PSMG2: variants seen among roughly 807,000 people sequenced by gnomAD.
PSMG2 encodes the protein proteasome assembly chaperone 2.
In PSMG2, 21 loss-of-function variants were observed where a neutral mutation model predicts 31.5. The observed-to-expected ratio is 0.67, with a 90% CI of 0.47 to 0.96. The LOEUF (loss-of-function observed/expected upper bound fraction) is 0.96, where lower values mean the gene tolerates loss of function less well. PSMG2 is among the 40% of genes least tolerant of loss of function. PSMG2 has a pLI of 0.00. For synonymous variants in PSMG2, 120 were observed against 110.4 expected, an observed-to-expected ratio of 1.09 and a Z score of -0.54; for missense variants, 318 against 321.2, an observed-to-expected ratio of 0.99 and a Z score of 0.08.
chr18:12,674,665 CTTG>C (rs1366820423), intron 1 of PSMG2: 3 of 1,614,014 alleles, frequency 1.9e-6, no homozygotes, highest in Non-Finnish European at 2.5e-6. Context: ...TGCTGATATA[CTTG>C]TTGTACGCTC....
chr18:12,703,252 G>A, intron 1 of PSMG2, 88 bp downstream of exon 1: 1 of 1,347,102 alleles, frequency 7.4e-7, no homozygotes, highest in Non-Finnish European at 1.0e-6. Context: ...CGGTGCCTTG[G>A]GAGAAATAGG....
intron 1 of PSMG2, among the ~76,000 whole-genome samples, chr18:12,680,334 G>A (rs781325643): frequency 4.6e-5 from 7 of 152,012 alleles, no homozygotes; most frequent in Non-Finnish European, 1.0e-4. Flanking sequence ...AGTGGCTCAC[G>A]CCTGTAATCC....
chr18:12,671,134 G>T lies in PSMG2; in HGVS notation c.-37+12361G>T, dbSNP rs60603836. ...AGATTTATTCTTTTAGAGAAATAGG[G>T]GGGGGTCTCTCTATGCTCCCAGGCT... On this transcript the variant is annotated intron_variant, in intron 1 of 6. Coordinates refer to the PSMG2 transcript ENST00000585331. 180 of 150,610 alleles carry T rather than the reference G, an allele frequency of 1.2e-3. 2 individuals carry two copies. The highest frequency in any genetic ancestry group is 0.012 in the Admixed American group (176 of 15,132). 9.3% of individuals were successfully genotyped at this position (150,610 alleles called of 1,614,324 possible).
At chr18:12,676,433 C>G (rs1248431569) in intron 1 of PSMG2, among the ~76,000 whole-genome samples, 1 of 150,998 alleles carries the variant, frequency 6.6e-6, no homozygotes, top group Non-Finnish European at 1.5e-5. Flanking sequence ...CACCACCACA[C>G]CCGGCTAATT....
At chr18:12,666,999 G>C (rs1598605402) in intron 1 of PSMG2, among the ~76,000 whole-genome samples, 2 of 151,928 alleles carry the variant, frequency 1.3e-5, no homozygotes, top group South Asian at 4.1e-4. Context: ...ATCTGATTCT[G>C]ATAAATTAAG....
At chr18:12,702,414 C>G, upstream of PSMG2, 1 of 1,223,582 alleles carries the variant, frequency 8.2e-7, no homozygotes, top group Non-Finnish European at 1.2e-6. Context: ...CGCTGTCGGC[C>G]CGGGGCCGCC....
intron 1 of PSMG2, chr18:12,661,729 T>C (rs1203634080): frequency 6.5e-6 from 1 of 152,706 alleles, no homozygotes; most frequent in East Asian, 1.9e-4. Context: ...GAGCCAAGAT[T>C]GTACCACTGC....
chr18:12,715,891 T>TA (rs2040371691), intron 3 of PSMG2, among the ~76,000 whole-genome samples: 1 of 152,250 alleles, frequency 6.6e-6, no homozygotes, highest in Non-Finnish European at 1.5e-5. Context: ...TTTCATGCAG[T>TA]AAACCCTCTG....
intron 1 of PSMG2, among the ~76,000 whole-genome samples, chr18:12,664,270 A>G (rs2038758616): frequency 6.6e-6 from 1 of 152,200 alleles, no homozygotes; most frequent in African/African-American, 2.4e-5. Flanking sequence ...TAGGCCGGGC[A>G]TGGTGGCTCA....
chr18:12,698,889 C>G, upstream of PSMG2: 1 of 907,366 alleles, frequency 1.1e-6, no homozygotes, highest in Non-Finnish European at 1.7e-6. Context: ...TTATAAATCT[C>G]TCCTTACAGA....
intron 1 of PSMG2, among the ~76,000 whole-genome samples, chr18:12,703,636 G>C (rs151227200): frequency 6.6e-6 from 1 of 152,162 alleles, no homozygotes; most frequent in African/African-American, 2.4e-5. Context: ...TCTGTTATGT[G>C]CGAGTATTAG....
At chr18:12,661,453 C>T (rs747349674) in intron 1 of PSMG2, 2 of 565,662 alleles carry the variant, frequency 3.5e-6, no homozygotes, top group Non-Finnish European at 4.5e-6. Flanking sequence ...CAGCACTGTC[C>T]CATTTTCTCA....
At chr18:12,714,250 G>T (rs1568042887) in intron 3 of PSMG2, among the ~76,000 whole-genome samples, 1 of 152,170 alleles carries the variant, frequency 6.6e-6, no homozygotes. Flanking sequence ...TATGCAAAAA[G>T]CCAGCATAAC....
At chr18:12,691,151 T>C (rs2039745422) in intron 1 of PSMG2, 1 of 399,922 alleles carries the variant, frequency 2.5e-6, no homozygotes, top group Admixed American at 4.3e-5. Flanking sequence ...AAACCCACAA[T>C]AACTGAAATT....
intron 1 of PSMG2, among the ~76,000 whole-genome samples, chr18:12,675,306 G>A (rs1377547956): frequency 1.3e-5 from 2 of 152,078 alleles, no homozygotes; most frequent in African/African-American, 4.8e-5. Context: ...TGAGGCAGGA[G>A]AATGGTATGA....
At chr18:12,703,221 A>T (rs1598675620) in intron 1 of PSMG2, 57 bp downstream of exon 1, 1 of 1,535,184 alleles carries the variant, frequency 6.5e-7, no homozygotes, top group East Asian at 2.4e-5. Context: ...CGGTGTCGCC[A>T]CCCCGACGCG....
At chr18:12,671,783 GGTGT>G (rs2038953886) in intron 1 of PSMG2, among the ~76,000 whole-genome samples, 1 of 151,406 alleles carries the variant, frequency 6.6e-6, no homozygotes, top group South Asian at 2.1e-4. Context: ...TTGGATTATG[GGTGT>G]GTGACACCAT....
At chr18:12,712,548 C>CT (rs746827167) in intron 2 of PSMG2, among the ~76,000 whole-genome samples, 154 bp from the exon 3 acceptor site, 1 of 152,162 alleles carries the variant, frequency 6.6e-6, no homozygotes, top group Non-Finnish European at 1.5e-5. Flanking sequence ...TCTAAAAGGT[C>CT]TTATTTTAAC....
chr18:12,703,021 G>T, upstream of PSMG2: 1 of 1,476,402 alleles, frequency 6.8e-7, no homozygotes, highest in Non-Finnish European at 9.2e-7. Flanking sequence ...GCCCCGCGAG[G>T]CTCCGGGGTC....
Sources: gnomAD v4.1 joint callset for allele counts (sites outside exome capture counted in the v4.1 genomes callset) on GRCh38, gnomAD v4.1.1 for gene constraint, MANE v1.5 for transcripts, NCBI Gene and HGNC (gene_info 2026-07-23, HGNC 2026-07-21) for gene names.